The following CABCOCO1 variants were observed in gnomAD, a reference collection of about 807,000 sequenced individuals.
CABCOCO1 encodes the protein ciliary-associated calcium-binding coiled-coil protein 1.
CABCOCO1 carries 28 observed loss-of-function variants against 35.7 expected under a neutral mutation model. The ratio of observed to expected loss-of-function variants is 0.78; its 90% CI spans 0.58 to 1.07. CABCOCO1 has a LOEUF of 1.07. Ranked by LOEUF, CABCOCO1 falls within the 50% of genes least tolerant of loss-of-function variation. The pLI is 0.00. For missense variants in CABCOCO1, 326 were observed against 309.2 expected (o/e 1.05, Z -0.41); for synonymous variants, 95 against 100.1 (o/e 0.95, Z 0.30).
chr10:61,729,662 C>A (rs1361055619), intron 5 of CABCOCO1, among the ~76,000 whole-genome samples: 2 of 152,294 alleles, frequency 1.3e-5, no homozygotes, highest in Middle Eastern at 6.8e-3. Flanking sequence ...GATTTTAGCA[C>A]TCCTGTGTTC....
intron 5 of CABCOCO1, among the ~76,000 whole-genome samples, chr10:61,704,554 TGAATGCAG>T (rs1302467826): frequency 6.6e-6 from 1 of 152,160 alleles, no homozygotes; most frequent in African/African-American, 2.4e-5. Context: ...ATCCCTGAGA[TGAATGCAG>T]GCCTGACTGA....
intron 5 of CABCOCO1, among the ~76,000 whole-genome samples, chr10:61,741,620 T>C (rs1428244332): frequency 6.6e-6 from 1 of 152,166 alleles, no homozygotes; most frequent in Non-Finnish European, 1.5e-5. Context: ...ATTAATAATT[T>C]AAAAACATAT....
chr10:61,702,953 C>T (rs1200717206), intron 5 of CABCOCO1, among the ~76,000 whole-genome samples: 2 of 151,664 alleles, frequency 1.3e-5, no homozygotes, highest in African/African-American at 4.8e-5. Flanking sequence ...CAACAGAGTT[C>T]TCTGTGGCAA....
intron 5 of CABCOCO1, among the ~76,000 whole-genome samples, chr10:61,757,672 G>T (rs1471375829): frequency 1.4e-5 from 2 of 143,866 alleles, no homozygotes; most frequent in Non-Finnish European, 3.0e-5. Flanking sequence ...AAGTTTCCAA[G>T]TGTGTGCCCA....
At chr10:61,705,105 G>A (rs760536750) in intron 5 of CABCOCO1, among the ~76,000 whole-genome samples, 4 of 152,118 alleles carry the variant, frequency 2.6e-5, no homozygotes, top group Non-Finnish European at 5.9e-5. Context: ...ATGGAGAGAG[G>A]TGCTTCAGTG....
intron 5 of CABCOCO1, among the ~76,000 whole-genome samples, chr10:61,693,679 T>C (rs1268586912): frequency 6.6e-6 from 1 of 152,080 alleles, no homozygotes; most frequent in African/African-American, 2.4e-5. Context: ...AAACCCCATA[T>C]ATATTGCTCT....
intron 2 of CABCOCO1, among the ~76,000 whole-genome samples, chr10:61,679,281 T>TTATATCTATATCTATATCTATATC (rs750117600): frequency 9.1e-4 from 128 of 141,026 alleles, no homozygotes; most frequent in South Asian, 2.3e-3. Context: ...TAGAATGAGC[T>TTATATCTATATCTATATCTATATC]TATATCTATA....
chr10:61,692,267 T>C (rs10994879), intron 5 of CABCOCO1, among the ~76,000 whole-genome samples: 1,524 of 152,346 alleles, frequency 0.01, 10 homozygotes, highest in Non-Finnish European at 0.018. Context: ...TCTTTTCATA[T>C]GTTCGTTGGC....
chr10:61,687,082 G>T (rs1207896942), intron 4 of CABCOCO1, among the ~76,000 whole-genome samples: 1 of 152,146 alleles, frequency 6.6e-6, no homozygotes, highest in Non-Finnish European at 1.5e-5. Flanking sequence ...GATTCTAGCT[G>T]AAATCTAGAA....
intron 5 of CABCOCO1, among the ~76,000 whole-genome samples, chr10:61,703,365 C>A (rs1201940811): frequency 1.3e-5 from 2 of 151,232 alleles, no homozygotes; most frequent in East Asian, 3.9e-4. Context: ...TAATAAGGGA[C>A]TTTCATATAA....
At chr10:61,726,301 G>A (rs1435790866) in intron 5 of CABCOCO1, among the ~76,000 whole-genome samples, 1 of 151,980 alleles carries the variant, frequency 6.6e-6, no homozygotes. Flanking sequence ...ATAAGGCTAC[G>A]TACCAATTAA....
At chr10:61,691,721 C>T (rs759338317) in intron 5 of CABCOCO1, among the ~76,000 whole-genome samples, 8 of 152,050 alleles carry the variant, frequency 5.3e-5, no homozygotes, top group Non-Finnish European at 8.8e-5. Context: ...TCAACTCCCA[C>T]TTATGAGTGA....
At chr10:61,699,690 G>T (rs1484016111) in intron 5 of CABCOCO1, among the ~76,000 whole-genome samples, 1 of 151,890 alleles carries the variant, frequency 6.6e-6, no homozygotes, top group Non-Finnish European at 1.5e-5. Context: ...GGAATAAAAA[G>T]TGCTTTCTCT....
At chr10:61,664,431 G>A (rs1246370781) in intron 1 of CABCOCO1, among the ~76,000 whole-genome samples, 1 of 151,826 alleles carries the variant, frequency 6.6e-6, no homozygotes, top group Non-Finnish European at 1.5e-5. Flanking sequence ...TTTAAAAGAT[G>A]TAAAGAAGTG....
intron 5 of CABCOCO1, among the ~76,000 whole-genome samples, chr10:61,691,284 T>C (rs1345397672): frequency 6.6e-6 from 1 of 152,176 alleles, no homozygotes; most frequent in Non-Finnish European, 1.5e-5. Context: ...CAAGGATATC[T>C]GCTGCTTTTC....
chr10:61,681,430 C>T, intron 3 of CABCOCO1, 118 bp downstream of exon 3: 1 of 729,698 alleles, frequency 1.4e-6, no homozygotes. Flanking sequence ...ACGGGTTTTT[C>T]CTGAGTATAA....
chr10:61,679,326 T>TA (rs57947796), intron 2 of CABCOCO1, among the ~76,000 whole-genome samples: 2 of 106,912 alleles, frequency 1.9e-5, no homozygotes, highest in Non-Finnish European at 4.0e-5. Flanking sequence ...TCTATATCTA[T>TA]ATCTATCTAT....
intron 7 of CABCOCO1, among the ~76,000 whole-genome samples, chr10:61,762,084 C>T (rs983103719): frequency 2.0e-5 from 3 of 152,022 alleles, no homozygotes; most frequent in African/African-American, 4.8e-5. Flanking sequence ...AAGCTGAGTT[C>T]AGAACATATC....
intron 5 of CABCOCO1, among the ~76,000 whole-genome samples, chr10:61,693,142 C>T (rs903069101): frequency 1.3e-5 from 2 of 151,020 alleles, no homozygotes; most frequent in East Asian, 3.9e-4. Context: ...TTGTATTTTC[C>T]CCAAGCTGAC....
Sources: allele counts gnomAD v4.1 joint callset (sites outside exome capture counted in the v4.1 genomes callset), GRCh38; gene constraint gnomAD v4.1.1; transcripts MANE v1.5; gene names NCBI Gene and HGNC (gene_info 2026-07-23, HGNC 2026-07-21).